Variants in GPR161 observed in about 807,000 individuals in gnomAD.
The protein encoded by GPR161 is G protein-coupled receptor 161.
Under a neutral mutation model 39.2 loss-of-function variants are expected in GPR161, and 25 were observed. The ratio of observed to expected loss-of-function variants is 0.64; its 90% confidence interval spans 0.47 to 0.89. GPR161 has a LOEUF of 0.89. Among genes scored for constraint, GPR161 ranks in the 40% least tolerant of loss-of-function variants. GPR161 has a pLI of 0.00. For synonymous variants in GPR161, 286 were observed against 276.6 expected, an observed-to-expected ratio of 1.03 and a Z score of -0.34; for missense variants, 547 against 677.8, an observed-to-expected ratio of 0.81 and a Z score of 2.14.
rs1178449624 is a variant in GPR161, at chr1:168,119,259, T to TAC, written c.-44-14366_-44-14365insGT. Among the ~76,000 whole-genome samples, 323 of 98,368 alleles carry TAC rather than the reference T, an allele frequency of 3.3e-3. 13 individuals carry two copies. The highest frequency in any genetic ancestry group is 8.1e-3 in the African/African-American group (177 of 21,782). The allele number at this position is 98,368 out of a possible 152,430, so 64.5% of individuals were successfully genotyped here. A position where few individuals can be genotyped will look rare whatever the true frequency, so the allele number is the denominator to read the frequency against. ...ATATATATACACATATATATATACG[T>TAC]ATATATATGTGTATATATATATATA... On this transcript the variant is annotated intron_variant, in intron 1 of 5. Coordinates refer to ENST00000682931, the MANE Select transcript of GPR161 (RefSeq NM_001375883.1).
At chr1:168,092,050 G>A (rs1301128211) in intron 3 of GPR161, among the ~76,000 whole-genome samples, 4 of 152,214 alleles carry the variant, frequency 2.6e-5, no homozygotes, top group African/African-American at 9.7e-5. Flanking sequence ...GTGGGAAGGC[G>A]GGGTGGTCAC....
intron 1 of GPR161, among the ~76,000 whole-genome samples, chr1:168,122,364 A>C (rs61809580): frequency 0.21 from 31,539 of 152,174 alleles, 3,626 homozygotes; most frequent in Admixed American, 0.36. Flanking sequence ...TCCAGGCTAC[A>C]TTATATCTTC....
chr1:168,116,889 T>C (rs1420369751), intron 1 of GPR161, among the ~76,000 whole-genome samples: 4 of 152,276 alleles, frequency 2.6e-5, no homozygotes, highest in Non-Finnish European at 5.9e-5. Flanking sequence ...TCTGATCTGC[T>C]TGGGAGAATG....
intron 1 of GPR161, among the ~76,000 whole-genome samples, chr1:168,114,926 G>C (rs184022190): frequency 6.6e-6 from 1 of 152,128 alleles, no homozygotes. Flanking sequence ...TCTTGATCTC[G>C]GGTGGGCTAG....
intron 1 of GPR161, among the ~76,000 whole-genome samples, chr1:168,132,746 T>G (rs897684026): frequency 6.6e-6 from 1 of 152,140 alleles, no homozygotes; most frequent in African/African-American, 2.4e-5. Context: ...TGTTGTTGTT[T>G]GTTGGTTGGT....
In GPR161 at chr1:168,081,425, T is replaced by C. The variant is rs1694068539; in HGVS notation, c.*4106A>G. On this transcript the variant is annotated 3_prime_UTR_variant, in exon 6 of 6. Coordinates refer to ENST00000682931, the MANE Select transcript of GPR161 (RefSeq NM_001375883.1). Reference sequence around the variant, plus strand: ...TAGAGATCCCTATAAAAAGGAATAATACACCCTCCCCACAGAGATACTGTG... The same window carrying C: ...TAGAGATCCCTATAAAAAGGAATAACACACCCTCCCCACAGAGATACTGTG... 1.3e-5 allele frequency: 2 copies of C among 152,178 alleles called. No homozygotes were observed. The highest frequency in any genetic ancestry group is 2.9e-5 in the Non-Finnish European group (2 of 68,028). The allele number at this position is 152,178 out of a possible 1,614,324, so 9.4% of individuals were successfully genotyped here. A position where few individuals can be genotyped will look rare whatever the true frequency, so the allele number is the denominator to read the frequency against.
chr1:168,104,081 G>C (rs1387317159), intron 2 of GPR161, among the ~76,000 whole-genome samples: 1 of 152,068 alleles, frequency 6.6e-6, no homozygotes, highest in Non-Finnish European at 1.5e-5. Flanking sequence ...TCCCTGTTCG[G>C]GCTGCACTAG....
chr1:168,130,902 C>T (rs192798177), intron 1 of GPR161, among the ~76,000 whole-genome samples: 121 of 152,220 alleles, frequency 7.9e-4, no homozygotes, highest in Non-Finnish European at 1.5e-3. Flanking sequence ...AGGAAAGAAG[C>T]CTAGGACATC....
At chr1:168,112,631 C>A (rs982901143) in intron 1 of GPR161, among the ~76,000 whole-genome samples, 1 of 151,486 alleles carries the variant, frequency 6.6e-6, no homozygotes. Flanking sequence ...CCGAGGTGGG[C>A]GGATCACTTG....
At chr1:168,107,755 A>T (rs571366393) in intron 1 of GPR161, among the ~76,000 whole-genome samples, 1 of 152,234 alleles carries the variant, frequency 6.6e-6, no homozygotes, top group Non-Finnish European at 1.5e-5. Flanking sequence ...TTTCACTGAA[A>T]ATAAGAGAAA....
At chr1:168,127,145 T>G (rs544788616) in intron 1 of GPR161, among the ~76,000 whole-genome samples, 1 of 152,332 alleles carries the variant, frequency 6.6e-6, no homozygotes, top group South Asian at 2.1e-4. Flanking sequence ...CAAAAATTAC[T>G]TAAGACATGA....
intron 5 of GPR161, among the ~76,000 whole-genome samples, chr1:168,087,072 G>A (rs556608201): frequency 2.3e-4 from 35 of 152,302 alleles, no homozygotes; most frequent in African/African-American, 6.5e-4. Flanking sequence ...AACAGTCCCT[G>A]GGGGTGAGCG....
chr1:168,104,748 T>C lies in GPR161; in HGVS notation c.103A>G (p.Ile35Val), dbSNP rs750546411. Residue 35 changes from isoleucine (I) to valine (V), a missense_variant, in exon 2 of 6, where the codon ATT (isoleucine) becomes GTT (valine). Transcript: ENST00000682931. ...AGGCAGACAAAAATGGTGATGACAA[T>C]GATGGCGATGAACTGGGTGATGATG... ...GVIITQFIAI[I>V]VITIFVCLGN... 8 of 1,613,978 alleles carry C rather than the reference T, an allele frequency of 5.0e-6. No homozygotes were observed. The highest frequency in any genetic ancestry group is 6.8e-6 in the Non-Finnish European group (8 of 1,179,994).
At chr1:168,130,441 T>A (rs1401118706) in intron 1 of GPR161, among the ~76,000 whole-genome samples, 2 of 152,302 alleles carry the variant, frequency 1.3e-5, no homozygotes, top group East Asian at 3.9e-4. Flanking sequence ...ACACAGAACC[T>A]TAGCATGAAG....
At chr1:168,087,791 T>G in intron 4 of GPR161, 87 bp from the exon 5 acceptor site, 1 of 1,347,136 alleles carries the variant, frequency 7.4e-7, no homozygotes. Flanking sequence ...CTTCCACCCC[T>G]CTTCTCCCGT....
chr1:168,136,869 C>T lies in GPR161; in HGVS notation c.-175G>A. ...GTTTCGGGTTTCAGCCCACCGAGCC[C>T]CGCTTCGCTCCTCCCGCGGGCCAGC... is the stretch of plus-strand genomic sequence containing the variant. On this transcript the variant is annotated 5_prime_UTR_variant, in exon 1 of 6. Coordinates refer to ENST00000682931, the MANE Select transcript of GPR161 (RefSeq NM_001375883.1). 1.0e-6 allele frequency: 1 copy of T among 982,282 alleles called. No individual in the cohort carries two copies. Among genetic ancestry groups the T allele is most frequent in the Non-Finnish European group, 1.2e-6 (1 of 828,652 alleles). 60.8% of individuals were successfully genotyped at this position (982,282 alleles called of 1,614,324 possible). A position where few individuals can be genotyped will look rare whatever the true frequency, so the allele number is the denominator to read the frequency against.
intron 3 of GPR161, among the ~76,000 whole-genome samples, chr1:168,091,394 G>T (rs1572252086): frequency 6.6e-6 from 1 of 152,150 alleles, no homozygotes; most frequent in East Asian, 1.9e-4. Flanking sequence ...TGGGACCCTG[G>T]CCCCTTGTCC....
Position 168,096,843 on chromosome 1 carries a change from G to A in GPR161, c.764C>T (p.Ala255Val), listed in dbSNP as rs749097417. The change falls in exon 3 of 6, where the codon GCC (alanine) becomes GTC (valine). Residue 255 changes from alanine to valine, a missense_variant. Physicochemically the swap from Ala to Val is moderately conservative, Grantham distance 64. Coordinates refer to ENST00000682931, the MANE Select transcript of GPR161 (RefSeq NM_001375883.1). Reference protein sequence around the residue: ...STSSSGSRRNAFQGVVYSANQ... With the variant: ...STSSSGSRRNVFQGVVYSANQ... Reference sequence around the variant, plus strand: ...GGCCGAGTAGACCACACCCTGAAAGGCATTCCTCCTGCTGCCTGAAGAGGA... The same window carrying A: ...GGCCGAGTAGACCACACCCTGAAAGACATTCCTCCTGCTGCCTGAAGAGGA... 5 of 1,614,104 alleles carry A rather than the reference G, an allele frequency of 3.1e-6. No individual in the cohort carries two copies. In the East Asian group the frequency reaches 6.7e-5, roughly 22 times the overall value.
chr1:168,127,063 G>A (rs764999783), intron 1 of GPR161, among the ~76,000 whole-genome samples: 37 of 152,160 alleles, frequency 2.4e-4, no homozygotes, highest in Non-Finnish European at 2.8e-4. Context: ...ACTGCCAAGA[G>A]GAATCTACGA....
Sources: allele counts gnomAD v4.1 joint callset (sites outside exome capture counted in the v4.1 genomes callset), GRCh38; gene constraint gnomAD v4.1.1; transcripts MANE v1.5; gene names NCBI Gene and HGNC (gene_info 2026-07-23, HGNC 2026-07-21).